The following SRPK2 variants were observed in gnomAD, a reference collection of about 807,000 sequenced individuals.
SRPK2 encodes the protein SFRS protein kinase 2.
In SRPK2, 21 loss-of-function variants were observed where a neutral mutation model predicts 90.8. The ratio of observed to expected loss-of-function variants is 0.23; its 90% CI spans 0.16 to 0.33. The LOEUF is 0.33. Ranked by LOEUF, SRPK2 falls within the 10% of genes least tolerant of loss-of-function variation. The pLI, the probability that SRPK2 is intolerant of heterozygous loss-of-function variation, is 1.00. For missense variants in SRPK2, 620 were observed against 869.0 expected, an observed-to-expected ratio of 0.71 and a Z score of 3.60; for synonymous variants, 288 against 311.1, an observed-to-expected ratio of 0.93 and a Z score of 0.78.
chr7:105,388,179 G>C (rs1345716007), intron 2 of SRPK2, among the ~76,000 whole-genome samples: 1 of 152,024 alleles, frequency 6.6e-6, no homozygotes, highest in Non-Finnish European at 1.5e-5. Flanking sequence ...CGAGACACAC[G>C]CCCTCCCGCA....
intron 1 of SRPK2, among the ~76,000 whole-genome samples, chr7:105,397,206 C>T (rs531773836): frequency 3.3e-5 from 5 of 151,942 alleles, no homozygotes; most frequent in South Asian, 2.1e-4. Flanking sequence ...TTAATAGAGA[C>T]GTGGTTTCAC....
chr7:105,246,903 C>T (rs919072080), intron 2 of SRPK2, among the ~76,000 whole-genome samples: 2 of 152,134 alleles, frequency 1.3e-5, no homozygotes, highest in Non-Finnish European at 2.9e-5. Flanking sequence ...GAAGCTTTTC[C>T]CTTTTTGTGA....
intron 2 of SRPK2, among the ~76,000 whole-genome samples, chr7:105,374,782 T>A (rs947335054): frequency 2.0e-5 from 3 of 152,114 alleles, no homozygotes; most frequent in Admixed American, 6.6e-5. Flanking sequence ...GCTATTTTTG[T>A]GTTTTTAGTA....
chr7:105,214,670 T>C (rs1006578857), intron 2 of SRPK2, among the ~76,000 whole-genome samples: 3 of 152,200 alleles, frequency 2.0e-5, no homozygotes, highest in Non-Finnish European at 4.4e-5. Context: ...TAAAACGTAC[T>C]ATGAAAACTG....
intron 2 of SRPK2, among the ~76,000 whole-genome samples, chr7:105,368,541 C>G (rs1017110625): frequency 1.2e-4 from 18 of 152,086 alleles, no homozygotes; most frequent in African/African-American, 4.3e-4. Flanking sequence ...GGGCTCTAAT[C>G]CAGCATTCTA....
At chr7:105,190,961 T>C (rs892328233) in intron 3 of SRPK2, among the ~76,000 whole-genome samples, 2 of 152,208 alleles carry the variant, frequency 1.3e-5, no homozygotes, top group African/African-American at 4.8e-5. Flanking sequence ...ATTGTATGTA[T>C]GGGGTATGAT....
chr7:105,379,452 G>T (rs1454740822), intron 2 of SRPK2, among the ~76,000 whole-genome samples: 3 of 152,018 alleles, frequency 2.0e-5, no homozygotes, highest in African/African-American at 4.8e-5. Context: ...CAAGCGTACT[G>T]AGGGATGACT....
chr7:105,181,414 G>A (rs768207049), intron 3 of SRPK2, among the ~76,000 whole-genome samples: 5 of 152,270 alleles, frequency 3.3e-5, no homozygotes, highest in Admixed American at 1.3e-4. Context: ...ACACACGCAC[G>A]CACGTGTATG....
At chr7:105,225,902 T>A (rs1798648214) in intron 2 of SRPK2, among the ~76,000 whole-genome samples, 1 of 152,190 alleles carries the variant, frequency 6.6e-6, no homozygotes, top group Non-Finnish European at 1.5e-5. Flanking sequence ...AAACAAAGAT[T>A]CAGCACATCA....
chr7:105,221,366 G>A (rs375384276), intron 2 of SRPK2, among the ~76,000 whole-genome samples: 1 of 152,172 alleles, frequency 6.6e-6, no homozygotes, highest in Admixed American at 6.5e-5. Context: ...CTGTGGCTTT[G>A]AGCGAGTGAT....
At position 105,276,996 on chromosome 7, in the gene SRPK2, TTCTC is replaced by T. The variant is rs758131151; in HGVS notation, c.72-73215_72-73212del. Among the ~76,000 whole-genome samples, 14 of 152,276 alleles carry T rather than the reference TTCTC, an allele frequency of 9.2e-5. No individual in the cohort carries two copies. In the South Asian group the frequency reaches 1.0e-3, roughly 11 times the overall value. ...CCTGCCACTACCAATTAACTGCTTC[TTCTC>T]TCTATTTCACATGTTTACACATTCT... On this transcript the variant is annotated intron_variant, in intron 2 of 15. Transcript: ENST00000393651.
intron 7 of SRPK2, among the ~76,000 whole-genome samples, chr7:105,156,060 A>G (rs1477810144): frequency 6.6e-6 from 1 of 152,236 alleles, no homozygotes; most frequent in Non-Finnish European, 1.5e-5. Context: ...GGCTGACACC[A>G]GATGATAGAA....
At chr7:105,333,119 G>A (rs187503000) in intron 2 of SRPK2, among the ~76,000 whole-genome samples, 6 of 152,240 alleles carry the variant, frequency 3.9e-5, no homozygotes, top group Admixed American at 6.5e-5. Context: ...GCTTGAACCC[G>A]GGTGGCGGAG....
chr7:105,389,035 GCGCGCCCAGCGCCC>G (rs1305250009), upstream of SRPK2: 10 of 924,224 alleles, frequency 1.1e-5, no homozygotes, highest in South Asian at 5.1e-5. Context: ...CCCCAGCGCC[GCGCGCCCAGCGCCC>G]CGCGCCCCCG....
At chr7:105,335,531 T>A (rs2131790576) in intron 2 of SRPK2, among the ~76,000 whole-genome samples, 1 of 151,688 alleles carries the variant, frequency 6.6e-6, no homozygotes, top group East Asian at 1.9e-4. Flanking sequence ...GTGTTGTCTG[T>A]CTCTAGTTCC....
At chr7:105,367,975 C>T (rs1819262597) in intron 2 of SRPK2, among the ~76,000 whole-genome samples, 2 of 152,104 alleles carry the variant, frequency 1.3e-5, no homozygotes, top group African/African-American at 2.4e-5. Flanking sequence ...ACTGTATACG[C>T]TTTTCAGTAA....
chr7:105,130,474 T>C (rs1584890868), intron 13 of SRPK2, among the ~76,000 whole-genome samples: 1 of 152,034 alleles, frequency 6.6e-6, no homozygotes, highest in African/African-American at 2.4e-5. Flanking sequence ...CACTTGAGCT[T>C]GGGAAGTGGA....
intron 2 of SRPK2, among the ~76,000 whole-genome samples, chr7:105,376,963 A>G (rs1820386157): frequency 6.6e-6 from 1 of 151,736 alleles, no homozygotes; most frequent in Non-Finnish European, 1.5e-5. Flanking sequence ...AACAAAAAGG[A>G]CCCTGCTCTA....
chr7:105,275,740 A>G (rs1170889897), intron 2 of SRPK2, among the ~76,000 whole-genome samples: 1 of 152,132 alleles, frequency 6.6e-6, no homozygotes, highest in Non-Finnish European at 1.5e-5. Flanking sequence ...GTGGTGCTTC[A>G]AAGATACAGA....
Sources: gnomAD v4.1 joint callset for allele counts (sites outside exome capture counted in the v4.1 genomes callset) on GRCh38, gnomAD v4.1.1 for gene constraint, MANE v1.5 for transcripts, NCBI Gene and HGNC (gene_info 2026-07-23, HGNC 2026-07-21) for gene names.